The following PTPRD variants were observed in gnomAD, a reference collection of about 807,000 sequenced individuals.
PTPRD encodes the protein protein tyrosine phosphatase receptor type D.
Under a neutral mutation model 214.5 loss-of-function variants are expected in PTPRD, and 34 were observed. That is an observed-to-expected ratio of 0.16 (90% CI 0.12 to 0.21). The LOEUF (loss-of-function observed/expected upper bound fraction) is 0.21. Ranked by LOEUF, PTPRD falls within the 10% of genes least tolerant of loss-of-function variation. The pLI, the probability that PTPRD is intolerant of heterozygous loss-of-function variation, is 1.00. For synonymous variants in PTPRD, 1,128 were observed against 845.7 expected, an observed-to-expected ratio of 1.33 and a Z score of -5.79; for missense variants, 2,545 against 2,398.7, an observed-to-expected ratio of 1.06 and a Z score of -1.27.
intron 3 of PTPRD, among the ~76,000 whole-genome samples, chr9:10,063,487 T>C (rs2097817675): frequency 6.6e-6 from 1 of 152,042 alleles, no homozygotes; most frequent in Non-Finnish European, 1.5e-5. Context: ...GATCTAGATA[T>C]CTAAATACCT....
At chr9:9,445,270 G>T (rs17768428) in intron 8 of PTPRD, among the ~76,000 whole-genome samples, 19,848 of 152,060 alleles carry the variant, frequency 0.13, 1,725 homozygotes, top group Middle Eastern at 0.22. Flanking sequence ...TCTGTCCCAC[G>T]TTTATCCCTG....
intron 3 of PTPRD, among the ~76,000 whole-genome samples, chr9:10,034,604 T>C (rs936706218): frequency 1.3e-5 from 2 of 152,016 alleles, no homozygotes; most frequent in Admixed American, 1.3e-4. Context: ...GGCCCCAGTG[T>C]ATGTTATTAC....
At chr9:9,488,883 G>T (rs1408277210) in intron 8 of PTPRD, among the ~76,000 whole-genome samples, 1 of 152,078 alleles carries the variant, frequency 6.6e-6, no homozygotes, top group African/African-American at 2.4e-5. Flanking sequence ...CAAGAGTCAG[G>T]ATGGGCAAAA....
At chr9:8,606,667 C>A (rs62530705) in intron 14 of PTPRD, among the ~76,000 whole-genome samples, 17,034 of 152,110 alleles carry the variant, frequency 0.11, 971 homozygotes, top group East Asian at 0.17. Context: ...CTCCTAAACA[C>A]CTCCACCCCT....
chr9:10,075,527 GTATT>G (rs1432001565), intron 3 of PTPRD, among the ~76,000 whole-genome samples: 1 of 151,702 alleles, frequency 6.6e-6, no homozygotes, highest in African/African-American at 2.4e-5. Context: ...AATCCATCAT[GTATT>G]TATTGTTATG....
Position 9,215,601 on chromosome 9 carries a change from T to C in PTPRD, c.-202-32238A>G, listed in dbSNP as rs576754385. 2.6e-5 allele frequency among the ~76,000 whole-genome samples: 4 copies of C among 152,198 alleles called. No individual in the cohort carries two copies. In the East Asian group the frequency reaches 7.8e-4, roughly 29 times the overall value. ...ACTGCTGCAGGAACTGGGCACCAGATTGTGGAGCTGAGGCACAGTGAGGTG... is the reference window on the plus strand; with the variant it reads ...ACTGCTGCAGGAACTGGGCACCAGACTGTGGAGCTGAGGCACAGTGAGGTG... On this transcript the variant is annotated intron_variant, in intron 9 of 45. Transcript: ENST00000381196.
intron 2 of PTPRD, among the ~76,000 whole-genome samples, chr9:10,392,672 G>C (rs1341541457): frequency 6.6e-6 from 1 of 151,846 alleles, no homozygotes; most frequent in Non-Finnish European, 1.5e-5. Context: ...TGGGAATCCA[G>C]AGAAGAGAAT....
At chr9:9,325,885 G>A (rs934572913) in intron 9 of PTPRD, among the ~76,000 whole-genome samples, 2 of 152,130 alleles carry the variant, frequency 1.3e-5, no homozygotes, top group African/African-American at 2.4e-5. Context: ...TTAGTTTATT[G>A]AGAGTTTTTA....
chr9:9,271,599 C>A (rs1594914749), intron 9 of PTPRD, among the ~76,000 whole-genome samples: 1 of 151,228 alleles, frequency 6.6e-6, no homozygotes. Flanking sequence ...ATCTGGATAG[C>A]AAGTAGTAGT....
At chr9:10,357,120 A>G (rs1156362282) in intron 2 of PTPRD, among the ~76,000 whole-genome samples, 1 of 152,202 alleles carries the variant, frequency 6.6e-6, no homozygotes, top group East Asian at 1.9e-4. Context: ...ACTCCAAAAA[A>G]TAAGAAAAGA....
At chr9:9,484,039 T>C (rs2095526296) in intron 8 of PTPRD, among the ~76,000 whole-genome samples, 1 of 151,902 alleles carries the variant, frequency 6.6e-6, no homozygotes, top group Non-Finnish European at 1.5e-5. Flanking sequence ...TTGTATCCTT[T>C]TTATAAACTA....
intron 44 of PTPRD, among the ~76,000 whole-genome samples, chr9:8,328,733 A>G (rs1167571541): frequency 6.9e-6 from 1 of 144,482 alleles, no homozygotes; most frequent in Admixed American, 6.8e-5. Flanking sequence ...ATTTCTTTTT[A>G]CTCTTTTCTC....
At chr9:9,660,891 T>C (rs928560360) in intron 7 of PTPRD, among the ~76,000 whole-genome samples, 6 of 151,998 alleles carry the variant, frequency 3.9e-5, no homozygotes, top group African/African-American at 9.7e-5. Context: ...CTGCCACCAA[T>C]GCCAGGATTC....
intron 5 of PTPRD, among the ~76,000 whole-genome samples, chr9:9,918,033 A>C (rs1439757375): frequency 6.6e-6 from 1 of 152,028 alleles, no homozygotes; most frequent in Non-Finnish European, 1.5e-5. Context: ...GTCTTATTAC[A>C]CATAGTATTC....
intron 7 of PTPRD, among the ~76,000 whole-genome samples, chr9:9,727,811 T>C (rs1054398241): frequency 1.6e-4 from 24 of 152,196 alleles, no homozygotes; most frequent in African/African-American, 4.3e-4. Flanking sequence ...ATGAAAGCTA[T>C]CGTAGGTATG....
intron 8 of PTPRD, among the ~76,000 whole-genome samples, chr9:9,463,673 T>C (rs1185045403): frequency 6.6e-6 from 1 of 152,150 alleles, no homozygotes. Flanking sequence ...AGGGTACATA[T>C]GCATGTTTTT....
intron 11 of PTPRD, among the ~76,000 whole-genome samples, chr9:8,748,533 AAAAAAAAG>A (rs1490742982): frequency 5.5e-4 from 72 of 129,976 alleles, no homozygotes; most frequent in Non-Finnish European, 8.7e-4. Flanking sequence ...AAAAAAAAAA[AAAAAAAAG>A]AAAAAGAAAA....
intron 3 of PTPRD, among the ~76,000 whole-genome samples, chr9:10,049,897 T>C (rs1214997800): frequency 6.6e-6 from 1 of 152,194 alleles, no homozygotes; most frequent in Non-Finnish European, 1.5e-5. Flanking sequence ...AGTTTCATTG[T>C]AGGGTAGCAT....
intron 10 of PTPRD, among the ~76,000 whole-genome samples, chr9:9,051,280 GT>G (rs2099684941): frequency 6.6e-6 from 1 of 152,044 alleles, no homozygotes; most frequent in South Asian, 2.1e-4. Flanking sequence ...AGTTTTGTTT[GT>G]TTTTAAACCT....
Sources: gnomAD v4.1 joint callset for allele counts (sites outside exome capture counted in the v4.1 genomes callset) on GRCh38, gnomAD v4.1.1 for gene constraint, MANE v1.5 for transcripts, NCBI Gene and HGNC (gene_info 2026-07-23, HGNC 2026-07-21) for gene names.